LOXL3: variants seen among roughly 807,000 people sequenced by gnomAD.
LOXL3 encodes the protein lysyl oxidase like 3.
In LOXL3, 60 loss-of-function variants were observed where a neutral mutation model predicts 91.8. The observed-to-expected ratio is 0.65, with a 90% confidence interval of 0.53 to 0.81. The LOEUF is 0.81. Ranked by LOEUF, LOXL3 falls within the 30% of genes least tolerant of loss-of-function variation. LOXL3 has a pLI of 0.00. For synonymous variants in LOXL3, 355 were observed against 387.6 expected (o/e 0.92, Z 0.99); for missense variants, 874 against 1,000.4 (o/e 0.87, Z 1.70).
Position 74,536,275 on chromosome 2 carries a change from C to T in LOXL3, c.1093+16G>A, listed in dbSNP as rs772695848. The T allele has an allele frequency of 1.3e-5, 21 of 1,613,214 alleles. No individual in the cohort carries two copies. In the East Asian group the frequency reaches 4.5e-4, roughly 34 times the overall value. On this transcript the variant is annotated intron_variant, in intron 6 of 13. Coordinates refer to ENST00000264094, the MANE Select transcript of LOXL3 (RefSeq NM_032603.5). This position sits in a 1 kb window ranked among gnomAD's most constrained non-coding sequence, Gnocchi z 4.5. ...GTACCTCCTTCCCTCTCCCTCCCAC[C>T]TCCATGCCACCTCACCCTGCCCCAT...
chr2:74,532,578 A>G lies in LOXL3; in HGVS notation c.*1028T>C, dbSNP rs767962028. 6.6e-7 allele frequency: 1 copy of G among 1,513,286 alleles called. No homozygotes were observed. The highest frequency in any genetic ancestry group is 1.1e-5 in the South Asian group (1 of 88,138). 93.7% of individuals were successfully genotyped at this position (1,513,286 alleles called of 1,614,324 possible). A position where few individuals can be genotyped will look rare whatever the true frequency, so the allele number is the denominator to read the frequency against. On this transcript the variant is annotated 3_prime_UTR_variant, in exon 14 of 14. Coordinates refer to ENST00000264094, the MANE Select transcript of LOXL3 (RefSeq NM_032603.5). ...TGAGGTGGAACTCAGGATGGGGAGA[A>G]TGCCTGGGTTTGGCTAATAGGGTGA...
At chr2:74,534,478 T>C (rs1359235978) in intron 10 of LOXL3, 47 bp from the exon 11 acceptor site, 1 of 1,613,546 alleles carries the variant, frequency 6.2e-7, no homozygotes, top group South Asian at 1.1e-5. Context: ...CCCCAGAAGG[T>C]TTGCCCCATC....
At position 74,552,613 on chromosome 2, in the gene LOXL3, G is replaced by T. The variant is rs1473080063; in HGVS notation, c.22C>A (p.Gln8Lys). 6.3e-7 allele frequency: 1 copy of T among 1,574,884 alleles called. No individual in the cohort carries two copies. Among genetic ancestry groups the T allele is most frequent in the East Asian group, 2.3e-5 (1 of 43,338 alleles). Residue 8 changes from glutamine to lysine, a missense_variant, in exon 2 of 14, where the codon CAG (glutamine) becomes AAG (lysine). Coordinates refer to ENST00000264094, the MANE Select transcript of LOXL3 (RefSeq NM_032603.5). MRPVSVW[Q>K]WSPWGLLLCL... ...AGCAGCAGCCCCCAGGGGCTCCACT[G>T]CCAGACACTGACAGGTCGCATGGCA...
In LOXL3 at chr2:74,534,449, C is replaced by T. The variant is rs769818115; in HGVS notation, c.1824-18G>A. The T allele has an allele frequency of 7.4e-6, 12 of 1,613,918 alleles. No individual in the cohort carries two copies. The highest frequency in any genetic ancestry group is 1.0e-5 in the Non-Finnish European group (12 of 1,179,822). On this transcript the variant is annotated intron_variant, in intron 10 of 13. Coordinates refer to ENST00000264094, the MANE Select transcript of LOXL3 (RefSeq NM_032603.5). Reference sequence around the variant, plus strand: ...GGTAATGCCTGTGGGGAGAAGGGAACTTCTGTTTCCTTCTCTGCCCCCAGA... The same window carrying T: ...GGTAATGCCTGTGGGGAGAAGGGAATTTCTGTTTCCTTCTCTGCCCCCAGA...
rs2104384432 is a variant in LOXL3 at position 74,533,407 on chromosome 2, A to G, written c.*199T>C. 1.7e-6 allele frequency: 1 copy of G among 586,424 alleles called. No individual in the cohort carries two copies. The highest frequency in any genetic ancestry group is 3.0e-5 in the Admixed American group (1 of 33,272). 36.3% of individuals were successfully genotyped at this position (586,424 alleles called of 1,614,324 possible). ...CTCGGTGCTGGGCCTGGGAGCAAAG[A>G]TTCCCATGCTTGGCTACAGATACTG... On this transcript the variant is annotated 3_prime_UTR_variant, in exon 14 of 14. Coordinates refer to ENST00000264094, the MANE Select transcript of LOXL3 (RefSeq NM_032603.5).
chr2:74,553,834 T>A (rs1226136657), intron 1 of LOXL3, 42 bp downstream of exon 1: 1 of 151,318 alleles, frequency 6.6e-6, no homozygotes. Flanking sequence ...ATCCTCTCCA[T>A]CCCCTACTCA....
Position 74,532,932 on chromosome 2 carries a change from C to T in LOXL3, c.*674G>A. 6.2e-7 allele frequency: 1 copy of T among 1,613,660 alleles called. No homozygotes were observed. Among genetic ancestry groups the T allele is most frequent in the Non-Finnish European group, 8.5e-7 (1 of 1,179,866 alleles). ...CCAATCCCAGTTGGCAGTGCAGATCCGGCGGGGACGAGAAACACTGACCTT... is the reference window on the plus strand; with the variant it reads ...CCAATCCCAGTTGGCAGTGCAGATCTGGCGGGGACGAGAAACACTGACCTT... On this transcript the variant is annotated 3_prime_UTR_variant, in exon 14 of 14. Coordinates refer to ENST00000264094, the MANE Select transcript of LOXL3 (RefSeq NM_032603.5).
At chr2:74,551,717 A>G (rs13430658) in intron 2 of LOXL3, among the ~76,000 whole-genome samples, 11,271 of 152,320 alleles carry the variant, frequency 0.074, 779 homozygotes, top group African/African-American at 0.18. Flanking sequence ...GGAACTGGGG[A>G]ATCAGCTGCA....
At position 74,534,216 on chromosome 2, in the gene LOXL3, A is replaced by G; in HGVS notation, c.1960T>C (p.Cys654Arg). 6.2e-7 allele frequency: 1 copy of G among 1,614,132 alleles called. No homozygotes were observed. ...CQEDVSKRYE[C>R]ANFGEQGITV... ...ATGCCTTGCTCTCCAAAGTTGGCAC[A>G]CTCATACCGCTTGGAGACATCTGGA... The change falls in exon 12 of 14, where the codon TGT becomes CGT. Residue 654 changes from cysteine to arginine, a missense_variant. Physicochemically the swap from Cys to Arg is radical, Grantham distance 180. Coordinates refer to ENST00000264094, the MANE Select transcript of LOXL3 (RefSeq NM_032603.5).
chr2:74,543,475 A>T (rs1319741568), intron 4 of LOXL3, among the ~76,000 whole-genome samples: 1 of 152,164 alleles, frequency 6.6e-6, no homozygotes, highest in Non-Finnish European at 1.5e-5. Context: ...GTCAATCCTG[A>T]CTTCTCCCTT....
chr2:74,552,256 G>T, intron 2 of LOXL3, 66 bp downstream of exon 2: 1 of 1,467,106 alleles, frequency 6.8e-7, no homozygotes, highest in Non-Finnish European at 9.3e-7. Flanking sequence ...CCATCCTCGT[G>T]TTCCCTTTCC....
intron 2 of LOXL3, among the ~76,000 whole-genome samples, chr2:74,551,993 C>T (rs1043764292): frequency 1.3e-5 from 2 of 152,252 alleles, no homozygotes; most frequent in East Asian, 1.9e-4. Context: ...ATGAGACTAA[C>T]TGTACTTTAT....
In LOXL3 at chr2:74,549,154, T is replaced by G; in HGVS notation, c.692+215A>C. On this transcript the variant is annotated intron_variant, in intron 4 of 13. Transcript: ENST00000264094. The surrounding 1 kb of genome is among the most constrained non-coding windows in gnomAD (Gnocchi z 5.3). The stretch of plus-strand genomic sequence containing the variant: ...CGTCGGCCACGAGAGAGCGGGAGCC[T>G]CGCTGGTCCCCATTTCAGGTACTCC... 2.2e-6 allele frequency: 1 copy of G among 450,558 alleles called. No homozygotes were observed. The highest frequency in any genetic ancestry group is 3.7e-6 in the Non-Finnish European group (1 of 266,708). 27.9% of individuals were successfully genotyped at this position (450,558 alleles called of 1,614,324 possible).
At position 74,550,356 on chromosome 2, in the gene LOXL3, AG is replaced by A; in HGVS notation, c.314-9del. Reference sequence around the variant, plus strand: ...TGTCCAGCCAGATGCGGCCTGTGGAAGGGGAGATGAAGGGACAGAGAAGCTT... The same window carrying A: ...TGTCCAGCCAGATGCGGCCTGTGGAAGGGAGATGAAGGGACAGAGAAGCTT... On this transcript the variant is annotated splice_polypyrimidine_tract_variant and intron_variant, in intron 2 of 13. Coordinates refer to ENST00000264094, the MANE Select transcript of LOXL3 (RefSeq NM_032603.5). The A allele has an allele frequency of 6.2e-7, 1 of 1,612,274 alleles. No individual in the cohort carries two copies.
chr2:74,549,766 G>T lies in LOXL3; in HGVS notation c.478-183C>A, dbSNP rs764353532. The T allele has an allele frequency of 3.6e-5, 52 of 1,429,920 alleles. No individual in the cohort carries two copies. The highest frequency in any genetic ancestry group is 4.8e-5 in the Non-Finnish European group (52 of 1,093,682). The allele number at this position is 1,429,920 out of a possible 1,614,324, so 88.6% of individuals were successfully genotyped here. On this transcript the variant is annotated intron_variant, in intron 3 of 13. Transcript: ENST00000264094. This position sits in a 1 kb window ranked among gnomAD's most constrained non-coding sequence, Gnocchi z 5.3. ...GGTGTGGACTCTCTTGCAGCCAGCA[G>T]CGCGTGGGATGTGCTGTGCTCCCAG...
chr2:74,545,994 C>G (rs1676565716), intron 4 of LOXL3, among the ~76,000 whole-genome samples: 1 of 152,188 alleles, frequency 6.6e-6, no homozygotes, highest in African/African-American at 2.4e-5. Flanking sequence ...CATCTCCCAA[C>G]AAAACATGCT....
rs1447206820 is a variant in LOXL3, at chr2:74,536,254, C to T, written c.1093+37G>A. The T allele has an allele frequency of 1.2e-6, 2 of 1,612,562 alleles. No homozygotes were observed. Among genetic ancestry groups the T allele is most frequent in the South Asian group, 1.1e-5 (1 of 90,998 alleles). On this transcript the variant is annotated intron_variant, in intron 6 of 13. Coordinates refer to ENST00000264094, the MANE Select transcript of LOXL3 (RefSeq NM_032603.5). The surrounding 1 kb of genome is among the most constrained non-coding windows in gnomAD (Gnocchi z 4.5). ...GAATATGCCCCCCAGGAGCATGTAC[C>T]TCCTTCCCTCTCCCTCCCACCTCCA...
rs2104384557 is a variant in LOXL3, at chr2:74,533,423, A to G, written c.*183T>C. Reference sequence around the variant, plus strand: ...GGAGCAAAGATTCCCATGCTTGGCTACAGATACTGACAGCTGGCCTCTGAA... The same window carrying G: ...GGAGCAAAGATTCCCATGCTTGGCTGCAGATACTGACAGCTGGCCTCTGAA... On this transcript the variant is annotated 3_prime_UTR_variant, in exon 14 of 14. Coordinates refer to ENST00000264094, the MANE Select transcript of LOXL3 (RefSeq NM_032603.5). The G allele has an allele frequency of 4.8e-5, 29 of 598,800 alleles. No individual in the cohort carries two copies. The South Asian group carries it at 5.5e-4, about 11-fold the overall frequency. The allele number at this position is 598,800 out of a possible 1,614,324, so 37.1% of individuals were successfully genotyped here.
rs149683601 is a variant in LOXL3, at chr2:74,550,203, C to T, written c.459G>A (p.Ser153=). 35 of 1,613,582 alleles carry T rather than the reference C, an allele frequency of 2.2e-5. No homozygotes were observed. The highest frequency in any genetic ancestry group is 1.5e-4 in the Admixed American group (9 of 59,960). ...TGCAGACCTCAATGACATTGGAGTC[C>T]GAGAAGCCAGGGAGGCGCTGGTCTT... is the stretch of plus-strand genomic sequence containing the variant. ...ICKDQRLPGF[S]DSNVIEVEHH... Residue 153 remains serine (S), a synonymous_variant, in exon 3 of 14, where the codon TCG becomes TCA. Transcript: ENST00000264094.
Sources: gnomAD v4.1 joint callset for allele counts (sites outside exome capture counted in the v4.1 genomes callset) on GRCh38, gnomAD v4.1.1 for gene constraint, Gnocchi (gnomAD v3.1) non-coding constraint, MANE v1.5 for transcripts, NCBI Gene and HGNC (gene_info 2026-07-23, HGNC 2026-07-21) for gene names.